Variants in SMCO4 observed in about 807,000 individuals in gnomAD.
SMCO4 encodes the protein single-pass membrane and coiled-coil domain-containing protein 4.
A neutral mutation model predicts 3.6 loss-of-function variants in SMCO4; 4 were observed. That is an observed-to-expected ratio of 1.11 (90% CI 0.54 to 2.53). The LOEUF is 2.53. Ranked by LOEUF, SMCO4 falls within the 30% of genes most tolerant of loss-of-function variation. SMCO4 has a pLI of 0.02. For synonymous variants in SMCO4, 36 were observed against 35.3 expected (o/e 1.02, Z -0.07); for missense variants, 70 against 80.8 (o/e 0.87, Z 0.51).
chr11:93,541,532 C>G (rs1362484853), intron 1 of SMCO4, among the ~76,000 whole-genome samples: 1 of 152,048 alleles, frequency 6.6e-6, no homozygotes, highest in African/African-American at 2.4e-5. Context: ...CAGACAAACC[C>G]CAGCAGGACC....
intron 2 of SMCO4, among the ~76,000 whole-genome samples, chr11:93,488,019 G>C (rs566600519): frequency 6.6e-6 from 1 of 152,368 alleles, no homozygotes; most frequent in East Asian, 1.9e-4. Flanking sequence ...TTCATTCACA[G>C]GGAATGTGGA....
At chr11:93,493,640 T>C (rs901685379) in intron 2 of SMCO4, among the ~76,000 whole-genome samples, 1 of 152,222 alleles carries the variant, frequency 6.6e-6, no homozygotes, top group African/African-American at 2.4e-5. Flanking sequence ...CTAACTAGAA[T>C]GTGTTCATGT....
intron 1 of SMCO4, among the ~76,000 whole-genome samples, chr11:93,528,914 T>C (rs1031542709): frequency 1.3e-5 from 2 of 152,152 alleles, no homozygotes; most frequent in African/African-American, 4.8e-5. Context: ...ATACATCCTG[T>C]CCATCAACAA....
intron 1 of SMCO4, among the ~76,000 whole-genome samples, chr11:93,542,670 C>T (rs1161402704): frequency 1.3e-5 from 2 of 152,198 alleles, no homozygotes; most frequent in East Asian, 3.9e-4. Flanking sequence ...CGGAGCCTGC[C>T]CCGGGTCTCA....
chr11:93,516,251 G>A (rs1949006897), intron 1 of SMCO4, among the ~76,000 whole-genome samples: 1 of 152,174 alleles, frequency 6.6e-6, no homozygotes, highest in Non-Finnish European at 1.5e-5. Context: ...TAACACCCCT[G>A]AAGAAGGGAG....
Position 93,478,713 on chromosome 11 carries a change from G to GCACGCACACACA in SMCO4, c.*296_*297insTGTGTGTGCGTG, listed in dbSNP as rs1555072370. The GCACGCACACACA allele has an allele frequency of 4.5e-6, 1 of 222,464 alleles. No homozygotes were observed. Among genetic ancestry groups the GCACGCACACACA allele is most frequent in the Non-Finnish European group, 7.9e-6 (1 of 125,966 alleles). The allele number at this position is 222,464 out of a possible 1,614,324, so 13.8% of individuals were successfully genotyped here. Reference sequence around the variant, plus strand: ...ATCGATTTTTAGGAGAGAAAAAGAAGCACACACACACACACACACACACAC... The same window carrying GCACGCACACACA: ...ATCGATTTTTAGGAGAGAAAAAGAAGCACGCACACACACACACACACACACACACACACACAC... On this transcript the variant is annotated 3_prime_UTR_variant, in exon 3 of 3. Transcript: ENST00000298966.
chr11:93,492,940 A>G (rs1235934184), intron 2 of SMCO4, among the ~76,000 whole-genome samples: 1 of 152,220 alleles, frequency 6.6e-6, no homozygotes, highest in Non-Finnish European at 1.5e-5. Flanking sequence ...TCAAATATTT[A>G]CATAGCGGTG....
At chr11:93,481,890 T>C (rs1591300779) in intron 2 of SMCO4, among the ~76,000 whole-genome samples, 1 of 152,232 alleles carries the variant, frequency 6.6e-6, no homozygotes, top group Admixed American at 6.5e-5. Flanking sequence ...AGCCATGCCC[T>C]GGCTGGCTGG....
chr11:93,539,205 C>A (rs560401554), intron 1 of SMCO4, among the ~76,000 whole-genome samples: 5 of 152,024 alleles, frequency 3.3e-5, no homozygotes, highest in African/African-American at 4.8e-5. Flanking sequence ...GCTCCAGGGT[C>A]CTCTCTCTTT....
chr11:93,552,742 G>T, the SMCO4 span, among the ~76,000 whole-genome samples: 2 of 152,078 alleles, frequency 1.3e-5, no homozygotes, highest in Non-Finnish European at 2.9e-5. Context: ...AAAGTGCTGG[G>T]ATTACAGGCG....
intron 1 of SMCO4, among the ~76,000 whole-genome samples, chr11:93,527,390 G>A (rs562851263): frequency 6.6e-6 from 1 of 151,738 alleles, no homozygotes; most frequent in African/African-American, 2.4e-5. Flanking sequence ...TCACATAAGG[G>A]GTTCCAAAAA....
intron 2 of SMCO4, among the ~76,000 whole-genome samples, chr11:93,479,630 C>G (rs1439681187): frequency 6.6e-6 from 1 of 152,204 alleles, no homozygotes; most frequent in Non-Finnish European, 1.5e-5. Context: ...TACTTGCTTT[C>G]CTGCTCTAAG....
upstream of SMCO4, among the ~76,000 whole-genome samples, chr11:93,543,757 A>G (rs1172881483): frequency 1.3e-5 from 2 of 152,212 alleles, no homozygotes; most frequent in African/African-American, 4.8e-5. Flanking sequence ...TGTGTTCACC[A>G]TTCTCTCCTC....
intron 1 of SMCO4, among the ~76,000 whole-genome samples, chr11:93,500,746 T>C (rs1948828484): frequency 6.6e-6 from 1 of 152,238 alleles, no homozygotes; most frequent in Admixed American, 6.5e-5. Flanking sequence ...AGGAAAAATA[T>C]GACCTGAGTT....
rs148001687 is a variant in SMCO4, at chr11:93,535,747, C to T, written c.-154+7529G>A. The T allele has an allele frequency of 4.6e-4, 738 of 1,611,656 alleles. 5 individuals carry two copies. The African/African-American group carries it at 8.8e-3, about 19-fold the overall frequency. On this transcript the variant is annotated intron_variant, in intron 1 of 2. Transcript: ENST00000298966. ...CCTCCTGAGAGCTAACATGGATGGG[C>T]TGAAGAAGAGAGACAAAAAGAACAA...
intron 1 of SMCO4, among the ~76,000 whole-genome samples, chr11:93,536,229 G>A (rs1258109271): frequency 6.6e-6 from 1 of 152,134 alleles, no homozygotes; most frequent in African/African-American, 2.4e-5. Context: ...CATTACCACT[G>A]ACAACAGGAA....
At chr11:93,506,025 T>C (rs1948896969) in intron 1 of SMCO4, among the ~76,000 whole-genome samples, 1 of 152,142 alleles carries the variant, frequency 6.6e-6, no homozygotes. Context: ...CACACGATTA[T>C]AACCAGAAAT....
At chr11:93,538,278 C>T (rs754323362) in intron 1 of SMCO4, among the ~76,000 whole-genome samples, 1 of 152,188 alleles carries the variant, frequency 6.6e-6, no homozygotes, top group Admixed American at 6.5e-5. Flanking sequence ...CACTGCCACT[C>T]CTGCTTCCCA....
intron 1 of SMCO4, among the ~76,000 whole-genome samples, chr11:93,504,768 T>C (rs1279315362): frequency 1.3e-5 from 2 of 152,298 alleles, no homozygotes; most frequent in East Asian, 3.9e-4. Flanking sequence ...TGGGCAGTAC[T>C]GGATCAAAAC....
Sources: allele counts gnomAD v4.1 joint callset (sites outside exome capture counted in the v4.1 genomes callset), GRCh38; gene constraint gnomAD v4.1.1; transcripts MANE v1.5; gene names NCBI Gene and HGNC (gene_info 2026-07-23, HGNC 2026-07-21).